SOS1: variants seen among roughly 807,000 people sequenced by gnomAD.
SOS1 encodes son of sevenless homolog 1.
A neutral mutation model predicts 157.6 loss-of-function variants in SOS1; 25 were observed. The observed-to-expected ratio is 0.16, with a 90% CI of 0.12 to 0.22. The LOEUF (loss-of-function observed/expected upper bound fraction) is 0.22, where lower values mean the gene tolerates loss of function less well. Ranked by LOEUF, SOS1 falls within the 10% of genes least tolerant of loss-of-function variation. The pLI, the probability that SOS1 is intolerant of heterozygous loss-of-function variation, is 1.00. For synonymous variants in SOS1, 528 were observed against 534.0 expected (o/e 0.99, Z 0.16); for missense variants, 1,237 against 1,599.1 (o/e 0.77, Z 3.86).
chr2:39,007,248 TA>T, intron 15 of SOS1, 55 bp from the exon 16 acceptor site: 1 of 1,110,014 alleles, frequency 9.0e-7, no homozygotes. Flanking sequence ...AATAAAGTTA[TA>T]GCTTAAAGAA....
At chr2:39,070,495 C>A (rs1671758588) in intron 1 of SOS1, among the ~76,000 whole-genome samples, 1 of 152,158 alleles carries the variant, frequency 6.6e-6, no homozygotes, top group African/African-American at 2.4e-5. Flanking sequence ...TCTTCTGCCC[C>A]CTAAGTAACC....
In SOS1 at chr2:38,984,782, A is replaced by G. The variant is rs574956567; in HGVS notation, c.*1042T>C. 6.6e-6 allele frequency: 1 copy of G among 152,328 alleles called. No individual in the cohort carries two copies. Among genetic ancestry groups the G allele is most frequent in the African/African-American group, 2.4e-5 (1 of 41,570 alleles). The allele number at this position is 152,328 out of a possible 1,614,324, so 9.4% of individuals were successfully genotyped here. Reference sequence around the variant, plus strand: ...AAATTAAAACAGACCTGCCAGGTATATTATATAACATTCACTATATACATA... The same window carrying G: ...AAATTAAAACAGACCTGCCAGGTATGTTATATAACATTCACTATATACATA... On this transcript the variant is annotated 3_prime_UTR_variant, in exon 23 of 23. Coordinates refer to ENST00000402219, the MANE Select transcript of SOS1 (RefSeq NM_005633.4).
At position 38,981,653 on chromosome 2, in the gene SOS1, G is replaced by A. The variant is rs1474575767; in HGVS notation, c.*4171C>T. On this transcript the variant is annotated 3_prime_UTR_variant, in exon 23 of 23. Transcript: ENST00000402219. Reference sequence around the variant, plus strand: ...TCACTTTAAATGCAAACCAAATACTGCTGCACACAGAGTACAAAGATTACC... The same window carrying A: ...TCACTTTAAATGCAAACCAAATACTACTGCACACAGAGTACAAAGATTACC... 3 of 152,004 alleles carry A rather than the reference G, an allele frequency of 2.0e-5. No individual in the cohort carries two copies. Among genetic ancestry groups the A allele is most frequent in the African/African-American group, 7.2e-5 (3 of 41,382 alleles). 9.4% of individuals were successfully genotyped at this position (152,004 alleles called of 1,614,324 possible).
intron 6 of SOS1, among the ~76,000 whole-genome samples, chr2:39,046,550 G>A (rs997750417): frequency 1.4e-5 from 2 of 145,894 alleles, no homozygotes; most frequent in Non-Finnish European, 3.0e-5. Context: ...TGTCGCCCAG[G>A]CTGGAGTGCA....
intron 1 of SOS1, among the ~76,000 whole-genome samples, chr2:39,088,912 T>C (rs1043675568): frequency 6.6e-6 from 1 of 152,226 alleles, no homozygotes; most frequent in Admixed American, 6.5e-5. Context: ...AGCTATACCA[T>C]TTTAGATTCC....
intron 17 of SOS1, among the ~76,000 whole-genome samples, chr2:39,000,023 T>C (rs969607484): frequency 2.6e-5 from 4 of 152,102 alleles, no homozygotes; most frequent in African/African-American, 9.7e-5. Context: ...CCCTAGTGTC[T>C]GTGGGGATAA....
At chr2:39,044,157 G>T (rs1352986659) in intron 6 of SOS1, among the ~76,000 whole-genome samples, 1 of 152,106 alleles carries the variant, frequency 6.6e-6, no homozygotes, top group Non-Finnish European at 1.5e-5. Flanking sequence ...AAGAGTTGGA[G>T]ACCAGCCTAG....
intron 6 of SOS1, among the ~76,000 whole-genome samples, chr2:39,046,190 T>G (rs1670777122): frequency 6.6e-6 from 1 of 152,136 alleles, no homozygotes; most frequent in African/African-American, 2.4e-5. Context: ...TTTAAAAAAT[T>G]ACTATAGTTC....
intron 10 of SOS1, among the ~76,000 whole-genome samples, chr2:39,017,377 G>C (rs1021403235): frequency 3.3e-5 from 5 of 152,008 alleles, no homozygotes; most frequent in African/African-American, 1.2e-4. Flanking sequence ...CTTGGTTAAA[G>C]GCACCAGAAA....
intron 6 of SOS1, among the ~76,000 whole-genome samples, chr2:39,036,359 T>C (rs1670343488): frequency 6.6e-6 from 1 of 152,144 alleles, no homozygotes; most frequent in South Asian, 2.1e-4. Flanking sequence ...ATTGCTTTTT[T>C]TTTGAAACAG....
rs55772987 is a variant in SOS1, at chr2:39,094,652, C to CAAATAAATAAATAAAT, written c.87+25668_87+25683dup. Among the ~76,000 whole-genome samples the CAAATAAATAAATAAAT allele has an allele frequency of 2.4e-3, 365 of 150,960 alleles. 4 individuals carry two copies. Among genetic ancestry groups the CAAATAAATAAATAAAT allele is most frequent in the African/African-American group, 8.7e-3 (353 of 40,730 alleles). ...TGGACGACAGAGCAAGACTCGGTCT[C>CAAATAAATAAATAAAT]AAATAAATAAATAAATAAATAAATA... On this transcript the variant is annotated intron_variant, in intron 1 of 22. Coordinates refer to ENST00000402219, the MANE Select transcript of SOS1 (RefSeq NM_005633.4).
chr2:39,058,909 A>C (rs1362723197), intron 2 of SOS1, 105 bp from the exon 3 acceptor site: 1 of 862,300 alleles, frequency 1.2e-6, no homozygotes, highest in African/African-American at 1.7e-5. Flanking sequence ...AGAGCTTTTC[A>C]CATGTGGTAT....
intron 10 of SOS1, among the ~76,000 whole-genome samples, chr2:39,015,191 T>C (rs1448628810): frequency 6.6e-6 from 1 of 151,662 alleles, no homozygotes; most frequent in Non-Finnish European, 1.5e-5. Flanking sequence ...ACCAGTTGGT[T>C]TATCCCCCTT....
chr2:39,120,538 C>A lies in SOS1; in HGVS notation c.-116G>T, dbSNP rs540265590. ...GCCGCGGCCCCACCGGACGGCCCGGCCCCCTCCGGGCGCCGCGCAGCCGGG... is the reference window on the plus strand; with the variant it reads ...GCCGCGGCCCCACCGGACGGCCCGGACCCCTCCGGGCGCCGCGCAGCCGGG... On this transcript the variant is annotated 5_prime_UTR_variant, in exon 1 of 23. Coordinates refer to ENST00000402219, the MANE Select transcript of SOS1 (RefSeq NM_005633.4). The A allele has an allele frequency of 9.4e-5, 102 of 1,090,798 alleles. No individual in the cohort carries two copies. In the Middle Eastern group the frequency reaches 1.2e-3, roughly 13 times the overall value. The allele number at this position is 1,090,798 out of a possible 1,614,324, so 67.6% of individuals were successfully genotyped here.
intron 1 of SOS1, among the ~76,000 whole-genome samples, chr2:39,103,702 T>C (rs138673315): frequency 2.0e-5 from 3 of 152,074 alleles, no homozygotes; most frequent in African/African-American, 4.8e-5. Context: ...GAAGAAAACA[T>C]AGGGGCAAAT....
intron 10 of SOS1, among the ~76,000 whole-genome samples, chr2:39,020,804 C>T (rs1442395452): frequency 6.6e-6 from 1 of 151,590 alleles, no homozygotes; most frequent in African/African-American, 2.4e-5. Flanking sequence ...CCACAACTCA[C>T]GAAAGCTGCT....
intron 1 of SOS1, among the ~76,000 whole-genome samples, chr2:39,108,464 G>C (rs1360800586): frequency 1.3e-5 from 2 of 152,220 alleles, no homozygotes; most frequent in Non-Finnish European, 2.9e-5. Flanking sequence ...AAAATGCTGA[G>C]TTCCTCTTGG....
chr2:38,985,830 A>G lies in SOS1; in HGVS notation c.3996T>C (p.Ser1332=), dbSNP rs1057522315. 6.2e-7 allele frequency: 1 copy of G among 1,613,792 alleles called. No homozygotes were observed. The change falls in exon 23 of 23, where the codon TCT becomes TCC. Residue 1332 remains serine, a synonymous_variant. Coordinates refer to ENST00000402219, the MANE Select transcript of SOS1 (RefSeq NM_005633.4). ...DGPPLLENAH[S]S is the part of the protein sequence containing the mutation. ...CATCCCAGTACAGAGGAACTCAGGA[A>G]GAATGGGCATTCTCCAACAGTGGTG...
intron 1 of SOS1, among the ~76,000 whole-genome samples, chr2:39,074,149 A>T (rs1287016002): frequency 1.3e-5 from 2 of 152,032 alleles, no homozygotes; most frequent in Non-Finnish European, 2.9e-5. Flanking sequence ...CACGAGTTTG[A>T]GACAAGCCTG....
Sources: allele counts gnomAD v4.1 joint callset (sites outside exome capture counted in the v4.1 genomes callset), GRCh38; gene constraint gnomAD v4.1.1; transcripts MANE v1.5; gene names NCBI Gene and HGNC (gene_info 2026-07-23, HGNC 2026-07-21).